GRIK3: variants seen among roughly 807,000 people sequenced by gnomAD.
GRIK3 encodes glutamate receptor ionotropic, kainate 3.
GRIK3 carries 29 observed loss-of-function variants against 102.5 expected under a neutral mutation model. The observed-to-expected ratio is 0.28, with a 90% CI of 0.21 to 0.39. The LOEUF is 0.39. GRIK3 is among the 10% of genes least tolerant of loss of function. The probability of loss-of-function intolerance (pLI) is 1.00; values close to 1 mark genes in which losing one functional copy is unlikely to be tolerated. For synonymous variants in GRIK3, 511 were observed against 504.9 expected, an observed-to-expected ratio of 1.01 and a Z score of -0.16; for missense variants, 908 against 1,252.4, an observed-to-expected ratio of 0.73 and a Z score of 4.15.
intron 7 of GRIK3, among the ~76,000 whole-genome samples, chr1:36,857,154 A>G (rs912034149): frequency 1.3e-5 from 2 of 152,176 alleles, no homozygotes; most frequent in Non-Finnish European, 2.9e-5. Flanking sequence ...TGAAGCTTCC[A>G]AGTCACTTTT....
chr1:36,817,501 A>T (rs1387617999), intron 12 of GRIK3, among the ~76,000 whole-genome samples: 1 of 152,226 alleles, frequency 6.6e-6, no homozygotes, highest in Non-Finnish European at 1.5e-5. Context: ...CTGAATCAGT[A>T]ATTTCTGAGG....
intron 1 of GRIK3, among the ~76,000 whole-genome samples, chr1:36,917,241 G>T (rs1641411732): frequency 6.6e-6 from 1 of 152,198 alleles, no homozygotes; most frequent in Non-Finnish European, 1.5e-5. Flanking sequence ...TCGAATGCCT[G>T]TAATGCCATT....
At chr1:36,894,819 A>G (rs924737428) in intron 1 of GRIK3, among the ~76,000 whole-genome samples, 8 of 152,220 alleles carry the variant, frequency 5.3e-5, no homozygotes, top group African/African-American at 1.9e-4. Flanking sequence ...TCTTAAGTGA[A>G]TATTGGAGAA....
At chr1:37,016,427 CA>C (rs1303447611) in intron 1 of GRIK3, among the ~76,000 whole-genome samples, 2 of 152,252 alleles carry the variant, frequency 1.3e-5, no homozygotes, top group African/African-American at 2.4e-5. Flanking sequence ...GTTATCATCA[CA>C]ATAAACAGGA....
intron 6 of GRIK3, among the ~76,000 whole-genome samples, 176 bp downstream of exon 6, chr1:36,859,668 G>A (rs1004212811): frequency 6.6e-6 from 1 of 152,190 alleles, no homozygotes; most frequent in African/African-American, 2.4e-5. Context: ...GTCCCTTGGG[G>A]AGGGACTGTC....
intron 1 of GRIK3, among the ~76,000 whole-genome samples, chr1:36,992,575 A>G (rs1193439973): frequency 6.6e-6 from 1 of 152,212 alleles, no homozygotes; most frequent in East Asian, 1.9e-4. Flanking sequence ...AGAGGGATGC[A>G]TGGCTAAGAT....
rs113421913 is a variant in GRIK3 at position 36,819,716 on chromosome 1, C to T, written c.1873+20G>A. 1.6e-3 allele frequency: 1,928 copies of T among 1,240,188 alleles called. 20 individuals carry two copies. In the African/African-American group the frequency reaches 0.024, roughly 15 times the overall value. The allele number at this position is 1,240,188 out of a possible 1,614,324, so 76.8% of individuals were successfully genotyped here. ...GGAAAGCAGACCCTGGAAGGGGAGG[C>T]CCTGGGAGAGGGTGCATACCTTGCT... is the stretch of plus-strand genomic sequence containing the variant. On this transcript the variant is annotated intron_variant, in intron 12 of 15. Transcript: ENST00000373091. The surrounding 1 kb of genome is among the most constrained non-coding windows in gnomAD (Gnocchi z 4.1).
chr1:37,020,534 C>T (rs982342389), intron 1 of GRIK3, among the ~76,000 whole-genome samples: 2 of 152,032 alleles, frequency 1.3e-5, no homozygotes, highest in Non-Finnish European at 2.9e-5. Flanking sequence ...TCAGGTGTGA[C>T]ATTTGACAAT....
At position 37,012,482 on chromosome 1, in the gene GRIK3, A is replaced by G. The variant is rs558201962; in HGVS notation, c.115+21512T>C. On this transcript the variant is annotated intron_variant, in intron 1 of 15. Coordinates refer to ENST00000373091, the MANE Select transcript of GRIK3 (RefSeq NM_000831.4). ...AAGACGTTTCCTGTGCAAGGTCACA[A>G]TTGCAAACCACGAGGCCAGGAAGAG... Among the ~76,000 whole-genome samples, 98 of 152,346 alleles carry G rather than the reference A, an allele frequency of 6.4e-4. 1 individual carries two copies. The Middle Eastern group carries it at 0.014, about 21-fold the overall frequency.
chr1:36,970,154 T>C (rs1339881853), intron 1 of GRIK3, among the ~76,000 whole-genome samples: 2 of 152,178 alleles, frequency 1.3e-5, no homozygotes, highest in Admixed American at 6.5e-5. Context: ...AGAGGCAGAA[T>C]TGACTGGGAA....
At chr1:36,977,982 C>G (rs1361978896) in intron 1 of GRIK3, among the ~76,000 whole-genome samples, 4 of 152,282 alleles carry the variant, frequency 2.6e-5, no homozygotes, top group Admixed American at 2.6e-4. Flanking sequence ...CATCACTCCC[C>G]CTACACTGTG....
chr1:36,982,246 C>T (rs1642257314), intron 1 of GRIK3, among the ~76,000 whole-genome samples: 1 of 152,202 alleles, frequency 6.6e-6, no homozygotes, highest in Admixed American at 6.5e-5. Context: ...TGGGACAGGA[C>T]TCTGATGGTC....
At chr1:36,909,750 C>A (rs1268439622) in intron 1 of GRIK3, among the ~76,000 whole-genome samples, 1 of 152,190 alleles carries the variant, frequency 6.6e-6, no homozygotes, top group Admixed American at 6.5e-5. Context: ...TAACCCCTAA[C>A]TGAGAGCCAG....
In GRIK3 at chr1:36,847,691, C is replaced by T. The variant is rs1640534360; in HGVS notation, c.1326+2620G>A. 2.0e-5 allele frequency among the ~76,000 whole-genome samples: 3 copies of T among 152,350 alleles called. No homozygotes were observed. The South Asian group carries it at 6.2e-4, about 32-fold the overall frequency. On this transcript the variant is annotated intron_variant, in intron 9 of 15. Coordinates refer to ENST00000373091, the MANE Select transcript of GRIK3 (RefSeq NM_000831.4). The stretch of plus-strand genomic sequence containing the variant: ...TATGAAGTAGGTGCAGTTATTAACA[C>T]CTCCCTTTTTCAGGTGGAGAAACTG...
chr1:36,995,152 A>C (rs906702709), intron 1 of GRIK3, among the ~76,000 whole-genome samples: 3 of 152,174 alleles, frequency 2.0e-5, no homozygotes, highest in Non-Finnish European at 4.4e-5. Flanking sequence ...CTGTCATCCG[A>C]TGTAATTGCA....
chr1:36,992,470 G>A (rs1368588756), intron 1 of GRIK3, among the ~76,000 whole-genome samples: 1 of 152,184 alleles, frequency 6.6e-6, no homozygotes, highest in East Asian at 1.9e-4. Flanking sequence ...GTGGTTGAAT[G>A]ACAGAGGCTG....
At chr1:36,809,472 C>T (rs1330613622) in intron 13 of GRIK3, among the ~76,000 whole-genome samples, 1 of 152,178 alleles carries the variant, frequency 6.6e-6, no homozygotes, top group Non-Finnish European at 1.5e-5. Flanking sequence ...TCCTATGTCA[C>T]CCACCCTCTC....
chr1:36,828,762 T>C (rs1302884367), intron 10 of GRIK3, among the ~76,000 whole-genome samples: 1 of 152,252 alleles, frequency 6.6e-6, no homozygotes, highest in Non-Finnish European at 1.5e-5. Flanking sequence ...GGGAAGAACC[T>C]CAAAGTCAAT....
At chr1:36,825,039 C>A (rs1642740590) in intron 11 of GRIK3, among the ~76,000 whole-genome samples, 1 of 152,190 alleles carries the variant, frequency 6.6e-6, no homozygotes, top group Non-Finnish European at 1.5e-5. Flanking sequence ...CTACCACCCA[C>A]CAGCCAGGGT....
Sources: gnomAD v4.1 joint callset for allele counts (sites outside exome capture counted in the v4.1 genomes callset) on GRCh38, gnomAD v4.1.1 for gene constraint, Gnocchi (gnomAD v3.1) non-coding constraint, MANE v1.5 for transcripts, NCBI Gene and HGNC (gene_info 2026-07-23, HGNC 2026-07-21) for gene names.